MGAT5: variants seen among roughly 807,000 people sequenced by gnomAD.
MGAT5 encodes the protein alpha-1,6-mannosylglycoprotein 6-beta-N-acetylglucosaminyltransferase, also known as alpha-1,6-mannosylglycoprotein 6-beta-N-acetylglucosaminyltransferase A.
In MGAT5, 30 loss-of-function variants were observed where a neutral mutation model predicts 94.3. The ratio of observed to expected loss-of-function variants is 0.32; its 90% CI spans 0.24 to 0.43. The LOEUF (loss-of-function observed/expected upper bound fraction) is 0.43, where lower values mean the gene tolerates loss of function less well. Among genes scored for constraint, MGAT5 ranks in the 20% least tolerant of loss-of-function variants. The pLI is 1.00. For missense variants in MGAT5, 691 were observed against 905.5 expected, an observed-to-expected ratio of 0.76 and a Z score of 3.04; for synonymous variants, 310 against 322.9, an observed-to-expected ratio of 0.96 and a Z score of 0.43.
intron 1 of MGAT5, among the ~76,000 whole-genome samples, chr2:134,193,506 G>C (rs1002933395): frequency 5.3e-5 from 8 of 152,134 alleles, no homozygotes; most frequent in Non-Finnish European, 8.8e-5. Flanking sequence ...TGGCTAGCTG[G>C]CTCTTCACAC....
chr2:134,303,291 GT>G (rs1464708535), intron 2 of MGAT5, among the ~76,000 whole-genome samples: 2 of 151,986 alleles, frequency 1.3e-5, no homozygotes. Flanking sequence ...TTTGTTGACT[GT>G]TTTTCTTGCC....
chr2:134,398,711 A>G (rs1682856520), intron 10 of MGAT5, among the ~76,000 whole-genome samples: 2 of 150,588 alleles, frequency 1.3e-5, no homozygotes, highest in Non-Finnish European at 3.0e-5. Flanking sequence ...GGATAAAGAA[A>G]ATATGTACAT....
intron 10 of MGAT5, among the ~76,000 whole-genome samples, chr2:134,387,326 A>ATT (rs1207478645): frequency 5.4e-4 from 20 of 36,744 alleles, no homozygotes; most frequent in African/African-American, 2.0e-3. Flanking sequence ...ATATATATAT[A>ATT]TATATATTTT....
At chr2:134,293,736 C>T (rs1685510674) in intron 2 of MGAT5, among the ~76,000 whole-genome samples, 1 of 152,206 alleles carries the variant, frequency 6.6e-6, no homozygotes, top group African/African-American at 2.4e-5. Context: ...TCCGAAAGTG[C>T]TTCCTTGCTT....
chr2:134,281,432 T>G (rs1021960149), intron 2 of MGAT5, among the ~76,000 whole-genome samples: 1 of 152,224 alleles, frequency 6.6e-6, no homozygotes, highest in African/African-American at 2.4e-5. Context: ...GGAGAATGAC[T>G]GAAAGTATTG....
chr2:134,157,280 G>A (rs1687520715), intron 1 of MGAT5, among the ~76,000 whole-genome samples: 1 of 152,116 alleles, frequency 6.6e-6, no homozygotes. Context: ...AACTTTAGGG[G>A]AAGCTGGCCA....
intron 1 of MGAT5, among the ~76,000 whole-genome samples, chr2:134,216,388 T>C (rs1318556621): frequency 1.3e-5 from 2 of 152,222 alleles, no homozygotes; most frequent in Non-Finnish European, 2.9e-5. Flanking sequence ...TGATCCGATA[T>C]ACTTCCAGGG....
chr2:134,351,463 G>C (rs188458799), intron 9 of MGAT5, among the ~76,000 whole-genome samples: 10 of 152,228 alleles, frequency 6.6e-5, no homozygotes, highest in Non-Finnish European at 1.5e-4. Flanking sequence ...AGTTTCCAGG[G>C]AGTAGAGAAG....
At chr2:134,358,080 C>A (rs1679859918) in intron 9 of MGAT5, among the ~76,000 whole-genome samples, 1 of 151,206 alleles carries the variant, frequency 6.6e-6, no homozygotes. Context: ...TTCAGCCATA[C>A]AAAAAAATAG....
intron 8 of MGAT5, among the ~76,000 whole-genome samples, chr2:134,346,089 T>G (rs1688911579): frequency 6.6e-6 from 1 of 152,182 alleles, no homozygotes. Flanking sequence ...TTTTCTGGTT[T>G]TTGGCTTGTT....
intron 1 of MGAT5, among the ~76,000 whole-genome samples, chr2:134,133,307 A>C (rs1686261358): frequency 6.6e-6 from 1 of 152,272 alleles, no homozygotes; most frequent in Non-Finnish European, 1.5e-5. Context: ...TTAAAGGCCA[A>C]ATTTCTCCAA....
At chr2:134,137,133 C>T (rs1352885877) in intron 1 of MGAT5, among the ~76,000 whole-genome samples, 3 of 152,200 alleles carry the variant, frequency 2.0e-5, no homozygotes, top group Non-Finnish European at 2.9e-5. Context: ...TACACATTAA[C>T]CCCCTGTTTT....
chr2:134,272,991 G>A (rs750796165), intron 2 of MGAT5, among the ~76,000 whole-genome samples: 2 of 151,772 alleles, frequency 1.3e-5, no homozygotes, highest in Non-Finnish European at 2.9e-5. Context: ...AAGCTGGCCC[G>A]TGTATGTGTG....
At chr2:134,416,765 A>ATT (rs10548586) in intron 12 of MGAT5, among the ~76,000 whole-genome samples, 37 of 130,670 alleles carry the variant, frequency 2.8e-4, no homozygotes, top group Admixed American at 8.5e-4. Context: ...CAGCTAATTA[A>ATT]TTTTTTTTTT....
chr2:134,180,347 C>T (rs993636372), intron 1 of MGAT5, among the ~76,000 whole-genome samples: 7 of 152,190 alleles, frequency 4.6e-5, no homozygotes, highest in East Asian at 1.9e-4. Context: ...AAATCTGCTG[C>T]GGATGCTGCT....
At chr2:134,394,553 T>G (rs1350220880) in intron 10 of MGAT5, among the ~76,000 whole-genome samples, 1 of 152,232 alleles carries the variant, frequency 6.6e-6, no homozygotes, top group African/African-American at 2.4e-5. Flanking sequence ...TCCCCCCTTC[T>G]TGTTACCAAG....
At chr2:134,445,787 A>G (rs1328357254) in intron 15 of MGAT5, among the ~76,000 whole-genome samples, 1 of 152,204 alleles carries the variant, frequency 6.6e-6, no homozygotes, top group Non-Finnish European at 1.5e-5. Context: ...CTGCAGGGAC[A>G]GAGAGGCAGA....
intron 1 of MGAT5, among the ~76,000 whole-genome samples, chr2:134,223,931 T>C (rs1321483429): frequency 1.3e-5 from 2 of 152,232 alleles, no homozygotes; most frequent in Non-Finnish European, 2.9e-5. Context: ...GACAACTATA[T>C]TGTCATAAAA....
intron 14 of MGAT5, among the ~76,000 whole-genome samples, chr2:134,429,649 T>C (rs1039802837): frequency 2.6e-5 from 4 of 152,336 alleles, no homozygotes; most frequent in African/African-American, 9.6e-5. Context: ...AAACTGGTAC[T>C]GTTGATTATT....
Sources: gnomAD v4.1 joint callset for allele counts (sites outside exome capture counted in the v4.1 genomes callset) on GRCh38, gnomAD v4.1.1 for gene constraint, MANE v1.5 for transcripts, NCBI Gene and HGNC (gene_info 2026-07-23, HGNC 2026-07-21) for gene names.